The following CHRM3 variants were observed in gnomAD, a reference collection of about 807,000 sequenced individuals.
CHRM3 encodes muscarinic acetylcholine receptor M3.
A neutral mutation model predicts 41.8 loss-of-function variants in CHRM3; 11 were observed. That is an observed-to-expected ratio of 0.26 (90% CI 0.17 to 0.44). The LOEUF (loss-of-function observed/expected upper bound fraction) is 0.44, where lower values mean the gene tolerates loss of function less well. Among genes scored for constraint, CHRM3 ranks in the 20% least tolerant of loss-of-function variants. The pLI is 1.00. For synonymous variants in CHRM3, 297 were observed against 301.4 expected (o/e 0.99, Z 0.15); for missense variants, 571 against 745.4 (o/e 0.77, Z 2.72).
At chr1:239,513,014 A>G (rs1312677294) in intron 2 of CHRM3, among the ~76,000 whole-genome samples, 1 of 152,154 alleles carries the variant, frequency 6.6e-6, no homozygotes, top group Non-Finnish European at 1.5e-5. Context: ...CTGTTTCCTC[A>G]GCATTGATAG....
chr1:239,655,869 G>T (rs1044675835), intron 4 of CHRM3, among the ~76,000 whole-genome samples: 1 of 152,148 alleles, frequency 6.6e-6, no homozygotes, highest in Admixed American at 6.5e-5. Context: ...ACATAAAAAT[G>T]TTGGTGTTGG....
At position 239,401,779 on chromosome 1, in the gene CHRM3, T is replaced by C. The variant is rs6674060; in HGVS notation, c.-521+14552T>C. On this transcript the variant is annotated intron_variant, in intron 1 of 6. Coordinates refer to ENST00000676153, the MANE Select transcript of CHRM3 (RefSeq NM_001375978.1). The stretch of plus-strand genomic sequence containing the variant: ...AATTGCTGGGATTACAGGTGTGAGA[T>C]ACCATGCCCGGCAGACTTTGAGGGG... Among the ~76,000 whole-genome samples, 791 of 152,166 alleles carry C rather than the reference T, an allele frequency of 5.2e-3. 7 individuals are homozygous for C. The highest frequency in any genetic ancestry group is 0.018 in the African/African-American group (744 of 41,522).
intron 5 of CHRM3, among the ~76,000 whole-genome samples, chr1:239,813,713 C>T (rs1323115706): frequency 7.4e-6 from 1 of 135,478 alleles, no homozygotes; most frequent in African/African-American, 3.0e-5. Flanking sequence ...GTCAGGAGAT[C>T]GAGACCATCC....
At chr1:239,870,260 A>G (rs1676459986) in intron 6 of CHRM3, among the ~76,000 whole-genome samples, 1 of 152,168 alleles carries the variant, frequency 6.6e-6, no homozygotes, top group South Asian at 2.1e-4. Context: ...AAGTTAAGAG[A>G]GGCAGAAGGC....
intron 3 of CHRM3, among the ~76,000 whole-genome samples, chr1:239,561,634 CA>C (rs1660868499): frequency 6.6e-6 from 1 of 151,626 alleles, no homozygotes; most frequent in African/African-American, 2.4e-5. Flanking sequence ...TAGATACTAT[CA>C]ATATCTATAA....
rs1680578245 is a variant in CHRM3 at position 239,915,176 on chromosome 1, A to G, written c.*5952A>G. ...CCGCAGTCCAAAAACAGATGGGTGT[A>G]TATTTGCTTTGTAAGCAAAGGGCAT... is the stretch of plus-strand genomic sequence containing the variant. On this transcript the variant is annotated 3_prime_UTR_variant, in exon 7 of 7. Transcript: ENST00000676153. 6.0e-6 allele frequency: 1 copy of G among 167,118 alleles called. No homozygotes were observed. The highest frequency in any genetic ancestry group is 1.5e-5 in the Non-Finnish European group (1 of 68,134). The allele number at this position is 167,118 out of a possible 1,614,324, so 10.4% of individuals were successfully genotyped here.
intron 6 of CHRM3, among the ~76,000 whole-genome samples, chr1:239,896,255 A>T (rs907448224): frequency 2.0e-5 from 3 of 152,150 alleles, no homozygotes; most frequent in Non-Finnish European, 4.4e-5. Context: ...TTGGAGTCTT[A>T]TTCCTCAAGA....
chr1:239,718,200 G>T (rs1662585977), intron 5 of CHRM3, among the ~76,000 whole-genome samples: 1 of 152,034 alleles, frequency 6.6e-6, no homozygotes, highest in Non-Finnish European at 1.5e-5. Context: ...GCGGTTCATT[G>T]AACACTGCGC....
chr1:239,894,444 AT>A lies in CHRM3; in HGVS notation c.-19-12983del, dbSNP rs1314388353. Reference sequence around the variant, plus strand: ...TTATTTTATTTATTTATTTATTTTTATTTTTTGAGATGGAGTCTCACTCTGT... The same window carrying A: ...TTATTTTATTTATTTATTTATTTTTATTTTTGAGATGGAGTCTCACTCTGT... On this transcript the variant is annotated intron_variant, in intron 6 of 6. Transcript: ENST00000676153. Among the ~76,000 whole-genome samples the A allele has an allele frequency of 3.3e-5, 5 of 151,892 alleles. No individual in the cohort carries two copies. In the South Asian group the frequency reaches 6.3e-4, roughly 19 times the overall value.
At chr1:239,875,641 C>A (rs1677051163) in intron 6 of CHRM3, among the ~76,000 whole-genome samples, 1 of 152,164 alleles carries the variant, frequency 6.6e-6, no homozygotes, top group Admixed American at 6.5e-5. Flanking sequence ...CTTGTATTGA[C>A]AACGATTTAC....
chr1:239,794,805 A>G (rs1369725799), intron 5 of CHRM3, among the ~76,000 whole-genome samples: 1 of 152,120 alleles, frequency 6.6e-6, no homozygotes, highest in African/African-American at 2.4e-5. Flanking sequence ...CCATCCAACC[A>G]TTTCTCTGTT....
chr1:239,785,524 A>G (rs1668823355), intron 5 of CHRM3, among the ~76,000 whole-genome samples: 1 of 152,242 alleles, frequency 6.6e-6, no homozygotes, highest in Admixed American at 6.5e-5. Context: ...CTTCTGCTAC[A>G]GTCTCATTGA....
At chr1:239,738,940 A>G (rs13376649) in intron 5 of CHRM3, among the ~76,000 whole-genome samples, 6,099 of 152,212 alleles carry the variant, frequency 0.04, 208 homozygotes, top group African/African-American at 0.078. Flanking sequence ...TGCATGCAAT[A>G]TCTCTTCTGA....
At chr1:239,422,987 A>G (rs551712486) in intron 1 of CHRM3, among the ~76,000 whole-genome samples, 67 of 152,226 alleles carry the variant, frequency 4.4e-4, no homozygotes, top group Non-Finnish European at 4.4e-4. Flanking sequence ...CAAAGATCCT[A>G]AGTTCTGAGT....
chr1:239,880,108 C>A (rs1677462963), intron 6 of CHRM3, among the ~76,000 whole-genome samples: 1 of 152,138 alleles, frequency 6.6e-6, no homozygotes, highest in African/African-American at 2.4e-5. Context: ...GGTTGAGGGA[C>A]ATTCATGGGA....
chr1:239,455,052 T>A (rs1385479410), intron 1 of CHRM3, among the ~76,000 whole-genome samples: 1 of 152,098 alleles, frequency 6.6e-6, no homozygotes, highest in African/African-American at 2.4e-5. Flanking sequence ...TATTTTAGAG[T>A]GTGGATTTTC....
chr1:239,456,318 T>C (rs12144838), intron 1 of CHRM3, among the ~76,000 whole-genome samples: 22,916 of 152,192 alleles, frequency 0.15, 2,321 homozygotes, highest in Non-Finnish European at 0.2. Context: ...CCTATGCAGG[T>C]AAACCGTTTT....
At chr1:239,791,080 T>A (rs1468001643) in intron 5 of CHRM3, among the ~76,000 whole-genome samples, 1 of 150,868 alleles carries the variant, frequency 6.6e-6, no homozygotes, top group Non-Finnish European at 1.5e-5. Flanking sequence ...AAAACTAGCA[T>A]GTCCCACAGC....
chr1:239,442,740 G>T (rs1045162451), intron 1 of CHRM3, among the ~76,000 whole-genome samples: 5 of 152,120 alleles, frequency 3.3e-5, no homozygotes, highest in Admixed American at 6.6e-5. Flanking sequence ...CCCAGAAGTG[G>T]CAGATACTCA....
Sources: allele counts gnomAD v4.1 joint callset (sites outside exome capture counted in the v4.1 genomes callset), GRCh38; gene constraint gnomAD v4.1.1; transcripts MANE v1.5; gene names NCBI Gene and HGNC (gene_info 2026-07-23, HGNC 2026-07-21).